The following CSMD2 variants were observed in gnomAD, a reference collection of about 807,000 sequenced individuals.
CSMD2 encodes the protein CUB and Sushi multiple domains 2.
Under a neutral mutation model 398.5 loss-of-function variants are expected in CSMD2, and 130 were observed. The ratio of observed to expected loss-of-function variants is 0.33; its 90% CI spans 0.28 to 0.38. The LOEUF (loss-of-function observed/expected upper bound fraction) is 0.38, where lower values mean the gene tolerates loss of function less well. Ranked by LOEUF, CSMD2 falls within the 10% of genes least tolerant of loss-of-function variation. The probability of loss-of-function intolerance (pLI) is 1.00; values close to 1 mark genes in which losing one functional copy is unlikely to be tolerated. For missense variants in CSMD2, 3,829 were observed against 4,764.9 expected (o/e 0.80, Z 5.78); for synonymous variants, 1,828 against 1,908.5 (o/e 0.96, Z 1.10).
At chr1:33,951,819 C>G (rs984752965) in intron 3 of CSMD2, among the ~76,000 whole-genome samples, 3 of 152,228 alleles carry the variant, frequency 2.0e-5, no homozygotes, top group African/African-American at 7.2e-5. Flanking sequence ...CCCTCAACCA[C>G]GCACACTCCT....
In CSMD2 at chr1:34,040,955, T is replaced by C. The variant is rs185645253; in HGVS notation, c.405-8249A>G. Among the ~76,000 whole-genome samples, 977 of 152,092 alleles carry C rather than the reference T, an allele frequency of 6.4e-3. 3 individuals are homozygous for C. Among genetic ancestry groups the C allele is most frequent in the Non-Finnish European group, 9.9e-3 (672 of 68,002 alleles). On this transcript the variant is annotated intron_variant, in intron 2 of 70. Transcript: ENST00000373381. The stretch of plus-strand genomic sequence containing the variant: ...CCCTGGTCAATATAGTGAGATCCTG[T>C]TTTTCCAAAAACTTTCAAGAATAGT...
chr1:34,044,746 T>C (rs1652283478), intron 2 of CSMD2, among the ~76,000 whole-genome samples: 1 of 152,164 alleles, frequency 6.6e-6, no homozygotes, highest in African/African-American at 2.4e-5. Context: ...TAAATAGTAA[T>C]ATAGCAAATT....
At chr1:33,692,831 G>A (rs1645285366) in intron 25 of CSMD2, 99 bp downstream of exon 25, 2 of 1,454,288 alleles carry the variant, frequency 1.4e-6, no homozygotes, top group Admixed American at 1.9e-5. Context: ...TCCAGGTGAG[G>A]CAGGCAGGCC....
rs182447851 is a variant in CSMD2, at chr1:33,946,834, C to T, written c.518-10880G>A. ...TTTTTAGTAGAGATGGGGTTTTTAC[C>T]GTGTTAGCTAGGCTGGTCTCCAATT... On this transcript the variant is annotated intron_variant, in intron 3 of 70. Transcript: ENST00000373381. Among the ~76,000 whole-genome samples, 320 of 151,456 alleles carry T rather than the reference C, an allele frequency of 2.1e-3. 2 individuals are homozygous for T. Among genetic ancestry groups the T allele is most frequent in the African/African-American group, 6.0e-3 (247 of 41,222 alleles).
At chr1:33,788,507 C>CAA (rs57878978) in intron 12 of CSMD2, 93 bp downstream of exon 12, 21,567 of 514,976 alleles carry the variant, frequency 0.042, 216 homozygotes, top group African/African-American at 0.11. Flanking sequence ...GACTCCGTCT[C>CAA]AAAAAAAAAA....
intron 6 of CSMD2, among the ~76,000 whole-genome samples, chr1:33,828,312 A>G (rs1659053527): frequency 1.3e-5 from 2 of 152,220 alleles, no homozygotes; most frequent in Non-Finnish European, 2.9e-5. Flanking sequence ...CTGATTCACT[A>G]TCCCTGGGAG....
intron 3 of CSMD2, among the ~76,000 whole-genome samples, chr1:33,999,592 A>G (rs1646835209): frequency 6.6e-6 from 1 of 151,692 alleles, no homozygotes; most frequent in South Asian, 2.1e-4. Context: ...GGGTCTCATT[A>G]TATTGCCCAG....
At chr1:33,814,057 C>G (rs1657173286) in intron 9 of CSMD2, 1 of 152,200 alleles carries the variant, frequency 6.6e-6, no homozygotes, top group Admixed American at 6.5e-5. Context: ...TTCATCTTTC[C>G]CCACTGAGAC....
intron 2 of CSMD2, among the ~76,000 whole-genome samples, chr1:34,079,928 T>C (rs1386838723): frequency 6.6e-6 from 1 of 152,094 alleles, no homozygotes; most frequent in African/African-American, 2.4e-5. Context: ...ATGAGTGAAC[T>C]AAATTTTCCT....
intron 25 of CSMD2, among the ~76,000 whole-genome samples, chr1:33,677,747 G>A (rs966545683): frequency 1.3e-5 from 2 of 151,942 alleles, no homozygotes; most frequent in African/African-American, 4.8e-5. Flanking sequence ...AGAAAATGTG[G>A]CACATATACA....
At chr1:34,030,127 G>A (rs1057298260) in intron 3 of CSMD2, among the ~76,000 whole-genome samples, 2 of 152,194 alleles carry the variant, frequency 1.3e-5, no homozygotes, top group African/African-American at 4.8e-5. Flanking sequence ...CTACATGGCA[G>A]ACAAGCCACA....
chr1:33,564,799 T>C (rs1019104606), intron 53 of CSMD2, among the ~76,000 whole-genome samples: 2 of 151,630 alleles, frequency 1.3e-5, no homozygotes, highest in Non-Finnish European at 2.9e-5. Flanking sequence ...CCATCCCATA[T>C]ATAAAAAGCC....
At chr1:33,755,437 T>A (rs1356708055) in intron 13 of CSMD2, among the ~76,000 whole-genome samples, 4 of 152,190 alleles carry the variant, frequency 2.6e-5, no homozygotes, top group African/African-American at 7.2e-5. Context: ...CTTATCCTTA[T>A]CATAAACAAG....
At chr1:33,904,172 G>A (rs1642928091) in intron 5 of CSMD2, among the ~76,000 whole-genome samples, 1 of 152,202 alleles carries the variant, frequency 6.6e-6, no homozygotes, top group Non-Finnish European at 1.5e-5. Context: ...GTCACTCTAG[G>A]TGCCATCTGC....
At chr1:33,697,563 C>A (rs1411482855) in intron 24 of CSMD2, among the ~76,000 whole-genome samples, 2 of 152,180 alleles carry the variant, frequency 1.3e-5, no homozygotes, top group Non-Finnish European at 2.9e-5. Flanking sequence ...ACACTTCCCA[C>A]CATGCTGGTT....
At chr1:33,790,729 C>T (rs1301831178) in intron 11 of CSMD2, among the ~76,000 whole-genome samples, 1 of 151,744 alleles carries the variant, frequency 6.6e-6, no homozygotes, top group Non-Finnish European at 1.5e-5. Context: ...ATCTATCAAT[C>T]ATCTATCATC....
intron 6 of CSMD2, among the ~76,000 whole-genome samples, chr1:33,831,440 C>T (rs1457639398): frequency 5.9e-5 from 9 of 152,216 alleles, no homozygotes; most frequent in Middle Eastern, 3.4e-3. Context: ...GAAATAAAAT[C>T]CCTTACAAAC....
chr1:33,897,029 G>T (rs1189576493), intron 5 of CSMD2, among the ~76,000 whole-genome samples: 1 of 151,976 alleles, frequency 6.6e-6, no homozygotes, highest in Non-Finnish European at 1.5e-5. Flanking sequence ...GTTACAGGGG[G>T]CAAGCCTGTA....
chr1:33,563,658 A>T (rs539282295), intron 53 of CSMD2, among the ~76,000 whole-genome samples: 1 of 152,228 alleles, frequency 6.6e-6, no homozygotes, highest in Admixed American at 6.5e-5. Flanking sequence ...CAGTTTCTAA[A>T]TGTCTCATCT....
Sources: allele counts gnomAD v4.1 joint callset (sites outside exome capture counted in the v4.1 genomes callset), GRCh38; gene constraint gnomAD v4.1.1; transcripts MANE v1.5; gene names NCBI Gene and HGNC (gene_info 2026-07-23, HGNC 2026-07-21).